The following CNDP1 variants were observed in gnomAD, a reference collection of about 807,000 sequenced individuals.
CNDP1 encodes beta-Ala-His dipeptidase.
A neutral mutation model predicts 58.1 loss-of-function variants in CNDP1; 44 were observed. That is an observed-to-expected ratio of 0.76 (90% CI 0.60 to 0.97). The LOEUF (loss-of-function observed/expected upper bound fraction) is 0.97. Among genes scored for constraint, CNDP1 ranks in the 50% least tolerant of loss-of-function variants. CNDP1 has a pLI of 0.00. For synonymous variants in CNDP1, 254 were observed against 252.6 expected, an observed-to-expected ratio of 1.01 and a Z score of -0.05; for missense variants, 616 against 655.1, an observed-to-expected ratio of 0.94 and a Z score of 0.65.
intron 7 of CNDP1, among the ~76,000 whole-genome samples, chr18:74,571,878 C>G (rs1981488261): frequency 6.6e-6 from 1 of 152,168 alleles, no homozygotes; most frequent in African/African-American, 2.4e-5. Flanking sequence ...CACAGACCAC[C>G]TGTACGACCT....
At chr18:74,572,575 C>T (rs959533000) in intron 7 of CNDP1, among the ~76,000 whole-genome samples, 3 of 151,836 alleles carry the variant, frequency 2.0e-5, no homozygotes, top group Admixed American at 2.0e-4. Flanking sequence ...ATCAGTTGAG[C>T]TCAGGACTTT....
intron 1 of CNDP1, among the ~76,000 whole-genome samples, chr18:74,555,211 G>A (rs561280175): frequency 2.0e-4 from 31 of 152,294 alleles, no homozygotes; most frequent in African/African-American, 7.0e-4. Flanking sequence ...AACAGAGACA[G>A]GCTGGGTTAA....
intron 10 of CNDP1, 120 bp downstream of exon 10, chr18:74,580,391 G>C: frequency 2.0e-6 from 2 of 1,016,866 alleles, no homozygotes; most frequent in East Asian, 5.0e-5. Flanking sequence ...TTTTAATACA[G>C]AGCACATTGT....
intron 10 of CNDP1, among the ~76,000 whole-genome samples, chr18:74,582,904 G>A (rs1027790215): frequency 6.6e-6 from 1 of 152,214 alleles, no homozygotes; most frequent in African/African-American, 2.4e-5. Flanking sequence ...AGGGAAAGCA[G>A]AGTAAGAGAT....
intron 1 of CNDP1, among the ~76,000 whole-genome samples, chr18:74,548,718 C>T (rs1980825467): frequency 6.6e-6 from 1 of 152,210 alleles, no homozygotes; most frequent in African/African-American, 2.4e-5. Flanking sequence ...TTTGCAACTT[C>T]TTAGAGACTG....
chr18:74,580,391 G>A lies in CNDP1; in HGVS notation c.1309+120G>A, dbSNP rs1366986548. The A allele has an allele frequency of 7.9e-6, 8 of 1,016,748 alleles. No individual in the cohort carries two copies. In the East Asian group the frequency reaches 1.7e-4, roughly 22 times the overall value. The allele number at this position is 1,016,748 out of a possible 1,614,324, so 63.0% of individuals were successfully genotyped here. On this transcript the variant is annotated intron_variant, in intron 10 of 11. Coordinates refer to ENST00000358821, the MANE Select transcript of CNDP1 (RefSeq NM_032649.6). ...AGAAATCAACTCTCCTTTTAATACA[G>A]AGCACATTGTTGAATGCATGCCATG...
rs973614266 is a variant in CNDP1, at chr18:74,585,641, A to G, written c.*1079A>G. 2.0e-5 allele frequency: 3 copies of G among 152,236 alleles called. No homozygotes were observed. The highest frequency in any genetic ancestry group is 4.4e-5 in the Non-Finnish European group (3 of 68,038). 9.4% of individuals were successfully genotyped at this position (152,236 alleles called of 1,614,324 possible). A position where few individuals can be genotyped will look rare whatever the true frequency, so the allele number is the denominator to read the frequency against. ...TTTATGAATTTATTATTTAAATCAC[A>G]TTAATGGAGAATCATTTAGGGGCTT... On this transcript the variant is annotated 3_prime_UTR_variant, in exon 12 of 12. Coordinates refer to ENST00000358821, the MANE Select transcript of CNDP1 (RefSeq NM_032649.6).
rs1166277973 is a variant in CNDP1, at chr18:74,567,415, C to G, written c.738C>G (p.Asn246Lys). Residue 246 changes from asparagine (N) to lysine (K), a missense_variant, in exon 6 of 12, where the codon AAC becomes AAG. Physicochemically the swap from Asn to Lys is moderately conservative, Grantham distance 94. Coordinates refer to ENST00000358821, the MANE Select transcript of CNDP1 (RefSeq NM_032649.6). Reference protein sequence around the residue: ...KPAITYGTRGNSYFMVEVKCR... With the variant: ...KPAITYGTRGKSYFMVEVKCR... ...CAATCACTTACGGAACCCGGGGGAA[C>G]AGCTACTTCATGGTGGAGGTATCCA... 6.2e-7 allele frequency: 1 copy of G among 1,613,892 alleles called. No homozygotes were observed. Among genetic ancestry groups the G allele is most frequent in the Non-Finnish European group, 8.5e-7 (1 of 1,179,810 alleles).
Position 74,549,232 on chromosome 18 carries a change from A to G in CNDP1, c.25-7106A>G, listed in dbSNP as rs1980837543. On this transcript the variant is annotated intron_variant, in intron 1 of 11. Transcript: ENST00000358821. ...TTAGTTAGTGGTATTTCCATTAACAAAATGTAGTAATTTTCAACTGCTGAA... is the reference window on the plus strand; with the variant it reads ...TTAGTTAGTGGTATTTCCATTAACAGAATGTAGTAATTTTCAACTGCTGAA... Among the ~76,000 whole-genome samples the G allele has an allele frequency of 2.0e-5, 3 of 152,236 alleles. No homozygotes were observed. The South Asian group carries it at 6.2e-4, about 32-fold the overall frequency.
At chr18:74,583,404 G>A (rs1981834024) in intron 10 of CNDP1, among the ~76,000 whole-genome samples, 157 bp from the exon 11 acceptor site, 2 of 152,166 alleles carry the variant, frequency 1.3e-5, no homozygotes, top group Non-Finnish European at 1.5e-5. Context: ...ATGATATCAA[G>A]GGGCTTCCTT....
Position 74,571,220 on chromosome 18 carries a change from C to T in CNDP1, c.791C>T (p.Thr264Ile), listed in dbSNP as rs750357285. Residue 264 changes from threonine (T) to isoleucine (I), a missense_variant, in exon 7 of 12, where the codon ACC becomes ATC. Transcript: ENST00000358821. ...KCRDQDFHSG[T>I]FGGILHEPMA... ...AGAGACCAGGATTTTCACTCAGGAA[C>T]CTTTGGTGGCATCCTTCATGAACCA... The T allele has an allele frequency of 6.2e-6, 10 of 1,613,424 alleles. No individual in the cohort carries two copies. The highest frequency in any genetic ancestry group is 8.5e-6 in the Non-Finnish European group (10 of 1,179,468).
rs1217544107 is a variant in CNDP1, at chr18:74,577,106, T to C, written c.1002+77T>C. On this transcript the variant is annotated intron_variant, in intron 8 of 11. Transcript: ENST00000358821. ...CATATTTGCCCTCTGTCTAAGTCAT[T>C]GTCTGGTGCTAATCTCCGTATCTTA... 3 of 1,292,750 alleles carry C rather than the reference T, an allele frequency of 2.3e-6. No homozygotes were observed. In the African/African-American group the frequency reaches 4.5e-5, roughly 19 times the overall value. 80.1% of individuals were successfully genotyped at this position (1,292,750 alleles called of 1,614,324 possible). A position where few individuals can be genotyped will look rare whatever the true frequency, so the allele number is the denominator to read the frequency against.
intron 1 of CNDP1, among the ~76,000 whole-genome samples, chr18:74,547,980 G>A (rs1368763352): frequency 6.6e-6 from 1 of 152,130 alleles, no homozygotes; most frequent in Non-Finnish European, 1.5e-5. Context: ...GGGTCCCATA[G>A]CCAGTGGGAG....
intron 10 of CNDP1, 70 bp from the exon 11 acceptor site, chr18:74,583,491 T>G: frequency 1.5e-6 from 2 of 1,306,152 alleles, no homozygotes; most frequent in Non-Finnish European, 2.2e-6. Context: ...AAGGAGGCAC[T>G]GACCTTGAGG....
chr18:74,535,511 A>T (rs1205263866), intron 1 of CNDP1, among the ~76,000 whole-genome samples: 1 of 148,752 alleles, frequency 6.7e-6, no homozygotes, highest in East Asian at 2.0e-4. Flanking sequence ...TTCCCACACC[A>T]TGCTGCAAAA....
At chr18:74,570,218 T>TAAGAATAA (rs56019800) in intron 6 of CNDP1, among the ~76,000 whole-genome samples, 1 of 97,898 alleles carries the variant, frequency 1.0e-5, no homozygotes, top group South Asian at 2.9e-4. Context: ...ATAATAATAA[T>TAAGAATAA]TAATAATAAT....
At chr18:74,581,564 C>G (rs755932999) in intron 10 of CNDP1, among the ~76,000 whole-genome samples, 7 of 152,194 alleles carry the variant, frequency 4.6e-5, no homozygotes, top group Non-Finnish European at 7.3e-5. Flanking sequence ...AGCCAGTGGT[C>G]TCTTCACAAT....
chr18:74,535,122 G>A (rs1014862942), intron 1 of CNDP1, among the ~76,000 whole-genome samples: 10 of 152,220 alleles, frequency 6.6e-5, no homozygotes, highest in East Asian at 3.9e-4. Context: ...GCTAATCACC[G>A]GGCTAAATCA....
At position 74,586,710 on chromosome 18, in the gene CNDP1, A is replaced by C. The variant is rs1175659145; in HGVS notation, c.*2148A>C. 6.6e-6 allele frequency: 1 copy of C among 152,190 alleles called. No individual in the cohort carries two copies. Among genetic ancestry groups the C allele is most frequent in the East Asian group, 1.9e-4 (1 of 5,186 alleles). 9.4% of individuals were successfully genotyped at this position (152,190 alleles called of 1,614,324 possible). A position where few individuals can be genotyped will look rare whatever the true frequency, so the allele number is the denominator to read the frequency against. ...CAGAGTCCATGTTTTTCTGTCACCC[A>C]GGGTCACGACTGGTCTCCCCAGCTC... On this transcript the variant is annotated 3_prime_UTR_variant, in exon 12 of 12. Transcript: ENST00000358821.
Sources: allele counts gnomAD v4.1 joint callset (sites outside exome capture counted in the v4.1 genomes callset), GRCh38; gene constraint gnomAD v4.1.1; transcripts MANE v1.5; gene names NCBI Gene and HGNC (gene_info 2026-07-23, HGNC 2026-07-21).